The following COMMD6 variants were observed in gnomAD, a reference collection of about 807,000 sequenced individuals.
COMMD6 encodes the protein COMM domain-containing protein 6.
Under a neutral mutation model 13.4 loss-of-function variants are expected in COMMD6, and 11 were observed. The observed-to-expected ratio is 0.82, with a 90% CI of 0.52 to 1.36. COMMD6 has a LOEUF of 1.36. Ranked by LOEUF, COMMD6 falls within the 40% of genes most tolerant of loss-of-function variation. COMMD6 has a pLI of 0.00. For missense variants in COMMD6, 124 were observed against 102.4 expected (o/e 1.21, Z -0.91); for synonymous variants, 43 against 36.5 (o/e 1.18, Z -0.64).
chr13:75,534,833 T>C (rs1203250478), intron 2 of COMMD6, among the ~76,000 whole-genome samples: 1 of 152,196 alleles, frequency 6.6e-6, no homozygotes, highest in African/African-American at 2.4e-5. Context: ...CTATAAAAAC[T>C]GTCTATATAG....
chr13:75,537,571 T>A lies in COMMD6; in HGVS notation c.54+93A>T. 5 of 1,587,102 alleles carry A rather than the reference T, an allele frequency of 3.2e-6. No homozygotes were observed. In the Admixed American group the frequency reaches 9.2e-5, roughly 29 times the overall value. The stretch of plus-strand genomic sequence containing the variant: ...GGTCACCGGCTCGCGGACACAGGAC[T>A]AGGGGAGACCTGGGGAAGGCTCAGG... On this transcript the variant is annotated intron_variant, in intron 2 of 3. Transcript: ENST00000682242.
At chr13:75,537,640 A>G (rs983653820) in intron 2 of COMMD6, 24 bp downstream of exon 2, 2 of 1,613,796 alleles carry the variant, frequency 1.2e-6, no homozygotes, top group Admixed American at 1.7e-5. Context: ...GGCGGAGGAC[A>G]GGGCGGGGCG....
chr13:75,537,399 A>G lies in COMMD6; in HGVS notation c.54+265T>C, dbSNP rs990217195. 1.9e-6 allele frequency: 3 copies of G among 1,551,162 alleles called. No individual in the cohort carries two copies. The African/African-American group carries it at 4.1e-5, about 21-fold the overall frequency. On this transcript the variant is annotated intron_variant, in intron 2 of 3. Coordinates refer to ENST00000682242, the MANE Select transcript of COMMD6 (RefSeq NM_203495.4). ...TAAAATACCGTGTTCCTGGCTTCGAATAACTGTCGCCTAATCAAAGCCCAA... is the reference window on the plus strand; with the variant it reads ...TAAAATACCGTGTTCCTGGCTTCGAGTAACTGTCGCCTAATCAAAGCCCAA...
At chr13:75,547,993 C>G (rs1271970311) in intron 1 of COMMD6, among the ~76,000 whole-genome samples, 2 of 152,244 alleles carry the variant, frequency 1.3e-5, no homozygotes, top group African/African-American at 4.8e-5. Context: ...GGGATGCAAA[C>G]TGTCTTGCTG....
rs192982680 is a variant in COMMD6 at position 75,545,617 on chromosome 13, G to A, written n.106+3706C>T. On this transcript the variant is annotated intron_variant and non_coding_transcript_variant, in intron 1 of 2. Transcript: ENST00000460675. ...GCTCCCGAGTAATGGGACTACAGAC[G>A]CCCGCCACCACGCCTGGTTAATTTT... Among the ~76,000 whole-genome samples the A allele has an allele frequency of 2.8e-3, 431 of 151,970 alleles. 2 individuals carry two copies. Among genetic ancestry groups the A allele is most frequent in the African/African-American group, 8.5e-3 (353 of 41,438 alleles).
At chr13:75,527,832 G>C (rs1186229208) in intron 3 of COMMD6, 1 of 1,512,736 alleles carries the variant, frequency 6.6e-7, no homozygotes, top group Non-Finnish European at 8.9e-7. Flanking sequence ...AAGGAGACTG[G>C]AGGTTGCCAG....
intron 3 of COMMD6, 62 bp downstream of exon 3, chr13:75,530,052 C>A: frequency 3.0e-6 from 4 of 1,316,814 alleles, no homozygotes; most frequent in Middle Eastern, 1.9e-4. Flanking sequence ...AGATTTTATA[C>A]ATCTTTTTAT....
intron 1 of COMMD6, among the ~76,000 whole-genome samples, chr13:75,546,889 C>T (rs1303722110): frequency 1.3e-5 from 2 of 152,170 alleles, no homozygotes; most frequent in South Asian, 2.1e-4. Context: ...AATACTAAAT[C>T]GTTGCTTCTA....
chr13:75,540,344 C>CCACACACACACACACACA (rs59520333), upstream of COMMD6, among the ~76,000 whole-genome samples: 3 of 147,382 alleles, frequency 2.0e-5, no homozygotes, highest in South Asian at 4.3e-4. Flanking sequence ...ACACACACAC[C>CCACACACACACACACACA]CACACACACA....
At chr13:75,530,309 A>T in intron 2 of COMMD6, 43 bp from the exon 3 acceptor site, 2 of 1,484,312 alleles carry the variant, frequency 1.3e-6, no homozygotes, top group Non-Finnish European at 1.8e-6. Context: ...TAGTAACATT[A>T]CCTGGAATGC....
upstream of COMMD6, among the ~76,000 whole-genome samples, chr13:75,539,155 G>T (rs2030778118): frequency 6.6e-6 from 1 of 151,758 alleles, no homozygotes; most frequent in South Asian, 2.1e-4. Context: ...ACATCTCTCT[G>T]ACTCTAGCCT....
chr13:75,536,566 G>A (rs918156278), intron 2 of COMMD6, among the ~76,000 whole-genome samples: 1 of 152,200 alleles, frequency 6.6e-6, no homozygotes, highest in African/African-American at 2.4e-5. Context: ...AAAAGGGTCA[G>A]AGTCAGAGAA....
upstream of COMMD6, chr13:75,537,875 C>A (rs2030741145): frequency 7.4e-6 from 11 of 1,496,196 alleles, 1 homozygote; most frequent in East Asian, 2.3e-4. Context: ...GCTTCCACGT[C>A]CTGCCCCTAG....
At chr13:75,537,420 C>A (rs1222028458) in intron 2 of COMMD6, 1 of 1,551,114 alleles carries the variant, frequency 6.4e-7, no homozygotes, top group Non-Finnish European at 8.7e-7. Flanking sequence ...CTAATCAAAG[C>A]CCAACAATCC....
intron 3 of COMMD6, among the ~76,000 whole-genome samples, chr13:75,529,520 C>CAA (rs58073558): frequency 3.4e-4 from 36 of 104,626 alleles, no homozygotes; most frequent in African/African-American, 9.7e-4. Context: ...GACTCCGTCT[C>CAA]AAAAAAAAAA....
rs1166119733 is a variant in COMMD6 at position 75,528,030 on chromosome 13, CACAT to C, written c.208-1395_208-1392del. ...ACACACACACACACACACACACACA[CACAT>C]ACATGCACACACTCTCTCCAAAAAA... On this transcript the variant is annotated intron_variant, in intron 3 of 3. Coordinates refer to ENST00000682242, the MANE Select transcript of COMMD6 (RefSeq NM_203495.4). Among the ~76,000 whole-genome samples, 44 of 127,120 alleles carry C rather than the reference CACAT, an allele frequency of 3.5e-4. No homozygotes were observed. The East Asian group carries it at 7.7e-3, about 22-fold the overall frequency. 83.4% of individuals were successfully genotyped at this position (127,120 alleles called of 152,430 possible). A position where few individuals can be genotyped will look rare whatever the true frequency, so the allele number is the denominator to read the frequency against.
At chr13:75,548,306 T>C (rs1295172719) in intron 1 of COMMD6, among the ~76,000 whole-genome samples, 1 of 152,202 alleles carries the variant, frequency 6.6e-6, no homozygotes, top group African/African-American at 2.4e-5. Flanking sequence ...ATCCATTAGA[T>C]AACGATGAAG....
At chr13:75,542,038 T>C (rs1293896028), upstream of COMMD6, among the ~76,000 whole-genome samples, 1 of 152,194 alleles carries the variant, frequency 6.6e-6, no homozygotes, top group Non-Finnish European at 1.5e-5. Context: ...GATTACATAA[T>C]TGTTTTGTGA....
chr13:75,525,467 G>C lies in COMMD6; in HGVS notation c.*1122C>G, dbSNP rs1404554332. The C allele has an allele frequency of 6.6e-6, 1 of 152,250 alleles. No homozygotes were observed. Among genetic ancestry groups the C allele is most frequent in the South Asian group, 2.1e-4 (1 of 4,832 alleles). The allele number at this position is 152,250 out of a possible 1,614,324, so 9.4% of individuals were successfully genotyped here. ...TATTTCTAGGAACACGACGACACTG[G>C]TTGTGGGAGGGAGAGAGAAGGGATC... On this transcript the variant is annotated 3_prime_UTR_variant, in exon 4 of 4. Coordinates refer to ENST00000682242, the MANE Select transcript of COMMD6 (RefSeq NM_203495.4).
Sources: allele counts gnomAD v4.1 joint callset (sites outside exome capture counted in the v4.1 genomes callset), GRCh38; gene constraint gnomAD v4.1.1; transcripts MANE v1.5; gene names NCBI Gene and HGNC (gene_info 2026-07-23, HGNC 2026-07-21).